Variants in PLEKHA5 observed in about 807,000 individuals in gnomAD.
PLEKHA5 encodes the protein pleckstrin homology domain containing A5, also known as pleckstrin homology domain-containing family A member 5.
In PLEKHA5, 55 loss-of-function variants were observed where a neutral mutation model predicts 181.9. That is an observed-to-expected ratio of 0.30 (90% CI 0.24 to 0.38). PLEKHA5 has a LOEUF of 0.38. Ranked by LOEUF, PLEKHA5 falls within the 10% of genes least tolerant of loss-of-function variation. The pLI, the probability that PLEKHA5 is intolerant of heterozygous loss-of-function variation, is 1.00. For synonymous variants in PLEKHA5, 535 were observed against 529.4 expected (o/e 1.01, Z -0.15); for missense variants, 1,432 against 1,549.5 (o/e 0.92, Z 1.27).
At chr12:19,174,619 T>C (rs1448269449) in intron 3 of PLEKHA5, among the ~76,000 whole-genome samples, 1 of 152,200 alleles carries the variant, frequency 6.6e-6, no homozygotes, top group Non-Finnish European at 1.5e-5. Context: ...TTTTTCATTT[T>C]ACTGACCGAT....
At chr12:19,257,737 A>G (rs1052032630) in intron 6 of PLEKHA5, among the ~76,000 whole-genome samples, 200 bp downstream of exon 6, 1 of 152,134 alleles carries the variant, frequency 6.6e-6, no homozygotes, top group African/African-American at 2.4e-5. Context: ...CATTACTTAC[A>G]ACTGAGATTG....
At chr12:19,246,278 T>C (rs2063726405) in intron 3 of PLEKHA5, among the ~76,000 whole-genome samples, 1 of 151,304 alleles carries the variant, frequency 6.6e-6, no homozygotes, top group Non-Finnish European at 1.5e-5. Context: ...GCGCCTGGCT[T>C]GCTGCTTTGT....
chr12:19,186,434 G>T (rs1055890083), intron 3 of PLEKHA5, among the ~76,000 whole-genome samples: 1 of 152,206 alleles, frequency 6.6e-6, no homozygotes, highest in Non-Finnish European at 1.5e-5. Context: ...CTCCTGGCAG[G>T]TTCACAATGA....
At chr12:19,280,724 T>G (rs949185054) in intron 11 of PLEKHA5, among the ~76,000 whole-genome samples, 6 of 150,122 alleles carry the variant, frequency 4.0e-5, no homozygotes, top group Non-Finnish European at 7.4e-5. Context: ...TGTAATTTAA[T>G]TTTTCTTTTT....
chr12:19,229,718 G>A (rs545057109), intron 3 of PLEKHA5, among the ~76,000 whole-genome samples: 1 of 152,298 alleles, frequency 6.6e-6, no homozygotes, highest in South Asian at 2.1e-4. Context: ...CTGCTGGCTT[G>A]GGCAGCCAGC....
chr12:19,275,742 T>C (rs78965050), intron 11 of PLEKHA5, among the ~76,000 whole-genome samples: 2,204 of 152,202 alleles, frequency 0.014, 42 homozygotes, highest in East Asian at 0.061. Context: ...CACTCCAGCG[T>C]GGCAGCACAG....
intron 25 of PLEKHA5, among the ~76,000 whole-genome samples, chr12:19,351,138 G>A (rs2094574086): frequency 6.6e-6 from 1 of 151,812 alleles, no homozygotes; most frequent in Non-Finnish European, 1.5e-5. Context: ...GTTTCACCAT[G>A]TTGCCCAGGC....
rs1220797513 is a variant in PLEKHA5, at chr12:19,268,285, ATT to A, written c.712-1479_712-1478del. ...CACTATTATTAGGCCATGAATTTAA[ATT>A]TTTTTGTTGCTTATCAATTTAGCAA... On this transcript the variant is annotated intron_variant, in intron 8 of 31. Coordinates refer to ENST00000429027, the MANE Select transcript of PLEKHA5 (RefSeq NM_001256470.2). Among the ~76,000 whole-genome samples, 4 of 152,286 alleles carry A rather than the reference ATT, an allele frequency of 2.6e-5. No homozygotes were observed. The East Asian group carries it at 7.7e-4, about 29-fold the overall frequency.
At chr12:19,317,311 A>C (rs1300585579) in intron 16 of PLEKHA5, among the ~76,000 whole-genome samples, 7 of 151,730 alleles carry the variant, frequency 4.6e-5, no homozygotes, top group African/African-American at 7.3e-5. Flanking sequence ...TTACGATTAC[A>C]CCACTGTGCT....
intron 3 of PLEKHA5, among the ~76,000 whole-genome samples, chr12:19,241,997 ATGGT>A (rs1189839688): frequency 6.6e-6 from 1 of 152,108 alleles, no homozygotes; most frequent in Admixed American, 6.5e-5. Context: ...ATTCTCTTAA[ATGGT>A]TAAGTTCAGA....
chr12:19,236,345 GTTAC>G (rs1394940303), intron 3 of PLEKHA5, among the ~76,000 whole-genome samples: 1 of 152,086 alleles, frequency 6.6e-6, no homozygotes, highest in Non-Finnish European at 1.5e-5. Flanking sequence ...TTGTGCCTTA[GTTAC>G]TTCAGTAAAA....
At chr12:19,268,715 A>G (rs1419009402) in intron 8 of PLEKHA5, among the ~76,000 whole-genome samples, 1 of 152,142 alleles carries the variant, frequency 6.6e-6, no homozygotes, top group African/African-American at 2.4e-5. Context: ...GTCTTGAGTC[A>G]TGGCTAGAAC....
intron 3 of PLEKHA5, among the ~76,000 whole-genome samples, chr12:19,165,084 G>A (rs2043988645): frequency 6.6e-6 from 1 of 152,052 alleles, no homozygotes. Flanking sequence ...CCTTCATGAA[G>A]ACCCCAGTCT....
In PLEKHA5 at chr12:19,255,158, T is replaced by A. The variant is rs1333293028; in HGVS notation, c.425T>A (p.Val142Glu). Residue 142 changes from valine to glutamate, a missense_variant, in exon 5 of 32, where the codon GTA (valine) becomes GAA (glutamate). Physicochemically the swap from Val to Glu is moderately radical, Grantham distance 121. Transcript: ENST00000429027. ...SDYAVHPMSP[V>E]GRTSRASKKV... ...TATGCAGTGCATCCAATGAGCCCTG[T>A]AGGCAGAGTAAGTTATTTTGCTTTA... 6.3e-7 allele frequency: 1 copy of A among 1,580,856 alleles called. No individual in the cohort carries two copies. Among genetic ancestry groups the A allele is most frequent in the East Asian group, 2.2e-5 (1 of 44,518 alleles).
At chr12:19,284,054 C>CTGTTGTTTTTGTTGTTGT (rs1434394493) in intron 12 of PLEKHA5, among the ~76,000 whole-genome samples, 1 of 151,872 alleles carries the variant, frequency 6.6e-6, no homozygotes, top group Non-Finnish European at 1.5e-5. Flanking sequence ...ATGCATTTTT[C>CTGTTGTTTTTGTTGTTGT]TGTTGTTTTT....
At chr12:19,311,263 A>C (rs1345359119) in intron 15 of PLEKHA5, among the ~76,000 whole-genome samples, 1 of 101,520 alleles carries the variant, frequency 9.9e-6, no homozygotes, top group African/African-American at 4.2e-5. Context: ...CTGTCTCTGC[A>C]AAAAAAAAAA....
intron 3 of PLEKHA5, among the ~76,000 whole-genome samples, chr12:19,181,648 C>T (rs2048615745): frequency 6.6e-6 from 1 of 152,090 alleles, no homozygotes; most frequent in East Asian, 1.9e-4. Context: ...TGGTTGCAGG[C>T]GCCTGTAATC....
chr12:19,346,005 A>G, intron 23 of PLEKHA5, 117 bp downstream of exon 23: 1 of 477,348 alleles, frequency 2.1e-6, no homozygotes, highest in Non-Finnish European at 3.8e-6. Flanking sequence ...TATTGAACAG[A>G]TATTGTTTTA....
intron 4 of PLEKHA5, 78 bp from the exon 5 acceptor site, chr12:19,254,967 T>C (rs1381455549): frequency 2.0e-5 from 25 of 1,249,756 alleles, no homozygotes; most frequent in Admixed American, 6.6e-5. Context: ...GACACTCGCA[T>C]TGTTAACTGT....
Sources: allele counts gnomAD v4.1 joint callset (sites outside exome capture counted in the v4.1 genomes callset), GRCh38; gene constraint gnomAD v4.1.1; transcripts MANE v1.5; gene names NCBI Gene and HGNC (gene_info 2026-07-23, HGNC 2026-07-21).